KPNA6: variants seen among roughly 807,000 people sequenced by gnomAD.
The protein encoded by KPNA6 is importin subunit alpha-7.
KPNA6 carries 9 observed loss-of-function variants against 72.0 expected under a neutral mutation model. That is an observed-to-expected ratio of 0.13 (90% CI 0.08 to 0.22). The LOEUF is 0.22. Ranked by LOEUF, KPNA6 falls within the 10% of genes least tolerant of loss-of-function variation. The pLI is 1.00. For missense variants in KPNA6, 374 were observed against 655.7 expected, an observed-to-expected ratio of 0.57 and a Z score of 4.69; for synonymous variants, 219 against 242.1, an observed-to-expected ratio of 0.90 and a Z score of 0.89.
intron 12 of KPNA6, among the ~76,000 whole-genome samples, chr1:32,168,805 G>A (rs184277753): frequency 4.6e-5 from 7 of 152,342 alleles, no homozygotes; most frequent in African/African-American, 1.4e-4. Flanking sequence ...GAGCCAGATT[G>A]CAGAGCATCC....
In KPNA6 at chr1:32,122,049, G is replaced by A. The variant is rs534342014; in HGVS notation, c.4+13915G>A. Among the ~76,000 whole-genome samples the A allele has an allele frequency of 2.5e-3, 386 of 151,622 alleles. 1 individual carries two copies. The highest frequency in any genetic ancestry group is 9.0e-3 in the African/African-American group (371 of 41,302). ...AGCAGTTTGGGAGGCCGAGGCAGGC[G>A]GATCACCTGAGGTCAGGAGTTCGAG... On this transcript the variant is annotated intron_variant, in intron 1 of 13. Coordinates refer to ENST00000373625, the MANE Select transcript of KPNA6 (RefSeq NM_012316.5).
intron 1 of KPNA6, among the ~76,000 whole-genome samples, chr1:32,110,297 T>C (rs1641223649): frequency 6.6e-6 from 1 of 152,042 alleles, no homozygotes; most frequent in East Asian, 1.9e-4. Flanking sequence ...ACTCCTGACC[T>C]CTGGTGATCT....
rs868307937 is a variant in KPNA6, at chr1:32,110,255, G to A, written c.4+2121G>A. ...AATTTTTGTATTTTTAGTAGAGACA[G>A]GGTTTCACCATGTTGGCCAAGCTGG... On this transcript the variant is annotated intron_variant, in intron 1 of 13. Coordinates refer to ENST00000373625, the MANE Select transcript of KPNA6 (RefSeq NM_012316.5). Among the ~76,000 whole-genome samples, 25 of 151,894 alleles carry A rather than the reference G, an allele frequency of 1.6e-4. 1 individual carries two copies. The highest frequency in any genetic ancestry group is 1.5e-3 in the South Asian group (7 of 4,810).
intron 1 of KPNA6, among the ~76,000 whole-genome samples, chr1:32,135,541 C>T (rs1641719354): frequency 6.6e-6 from 1 of 150,828 alleles, no homozygotes; most frequent in Non-Finnish European, 1.5e-5. Flanking sequence ...TTATGTTGCC[C>T]AGATTGGTCT....
At chr1:32,160,002 C>T (rs1373339941) in intron 6 of KPNA6, among the ~76,000 whole-genome samples, 1 of 152,176 alleles carries the variant, frequency 6.6e-6, no homozygotes, top group African/African-American at 2.4e-5. Context: ...AAGGCAGCTA[C>T]AAGAGTGCAA....
rs141221916 is a variant in KPNA6 at position 32,173,761 on chromosome 1, A to G, written c.*2867A>G. 1.3e-5 allele frequency: 2 copies of G among 152,340 alleles called. No homozygotes were observed. Among genetic ancestry groups the G allele is most frequent in the African/African-American group, 4.8e-5 (2 of 41,560 alleles). 9.4% of individuals were successfully genotyped at this position (152,340 alleles called of 1,614,324 possible). A position where few individuals can be genotyped will look rare whatever the true frequency, so the allele number is the denominator to read the frequency against. ...CTAGGCGAGGTAAGGCTCTCTGGTTATTGCCAGGATGGAGCCCCTCTACCC... is the reference window on the plus strand; with the variant it reads ...CTAGGCGAGGTAAGGCTCTCTGGTTGTTGCCAGGATGGAGCCCCTCTACCC... On this transcript the variant is annotated 3_prime_UTR_variant, in exon 14 of 14. Coordinates refer to ENST00000373625, the MANE Select transcript of KPNA6 (RefSeq NM_012316.5).
At chr1:32,133,516 CAAAAAAAAAAAA>C (rs56850687) in intron 1 of KPNA6, among the ~76,000 whole-genome samples, 7 of 43,880 alleles carry the variant, frequency 1.6e-4, no homozygotes, top group Admixed American at 6.6e-4. Context: ...CTAGTCTCTA[CAAAAAAAAAAAA>C]AAAAAAAAAA....
At position 32,174,817 on chromosome 1, in the gene KPNA6, G is replaced by A. The variant is rs1156573699; in HGVS notation, c.*3923G>A. 6.6e-6 allele frequency: 1 copy of A among 152,182 alleles called. No homozygotes were observed. The highest frequency in any genetic ancestry group is 2.4e-5 in the African/African-American group (1 of 41,438). The allele number at this position is 152,182 out of a possible 1,614,324, so 9.4% of individuals were successfully genotyped here. A position where few individuals can be genotyped will look rare whatever the true frequency, so the allele number is the denominator to read the frequency against. On this transcript the variant is annotated 3_prime_UTR_variant, in exon 14 of 14. Coordinates refer to ENST00000373625, the MANE Select transcript of KPNA6 (RefSeq NM_012316.5). ...GCAGGGCTCAGTGCGCTAAACCATG[G>A]TAAACATCTTCAATAGAACTACCCT...
chr1:32,143,913 T>A (rs1641885959), intron 1 of KPNA6, among the ~76,000 whole-genome samples: 1 of 152,224 alleles, frequency 6.6e-6, no homozygotes, highest in African/African-American at 2.4e-5. Context: ...TGTTAGACCT[T>A]CATTCCTTTT....
chr1:32,152,830 G>A (rs956454284), intron 1 of KPNA6, among the ~76,000 whole-genome samples: 8 of 151,342 alleles, frequency 5.3e-5, no homozygotes, highest in African/African-American at 1.9e-4. Flanking sequence ...GGGCAACAGA[G>A]GGAGACTCTG....
intron 1 of KPNA6, among the ~76,000 whole-genome samples, chr1:32,125,998 AAAAC>A (rs1415468811): frequency 6.6e-6 from 1 of 151,034 alleles, no homozygotes; most frequent in East Asian, 1.9e-4. Flanking sequence ...AAAAAAAAAA[AAAAC>A]CTGTCCTATT....
chr1:32,128,385 AT>A (rs1293589892), intron 1 of KPNA6, among the ~76,000 whole-genome samples: 2 of 74,686 alleles, frequency 2.7e-5, no homozygotes, highest in Non-Finnish European at 4.8e-5. Flanking sequence ...TTATATATGT[AT>A]TTATATATAT....
Position 32,170,584 on chromosome 1 carries a change from T to G in KPNA6, c.1424-123T>G. On this transcript the variant is annotated intron_variant, in intron 13 of 13. Transcript: ENST00000373625. ...TCTCCCCTTTCAGGTCCAAGAGTGA[T>G]CTGATCATATGACTTGTGTTTGTAA... 5.3e-6 allele frequency: 4 copies of G among 750,716 alleles called. No homozygotes were observed. The Admixed American group carries it at 7.5e-5, about 14-fold the overall frequency. 46.5% of individuals were successfully genotyped at this position (750,716 alleles called of 1,614,324 possible).
chr1:32,126,944 G>T (rs1004716405), intron 1 of KPNA6, among the ~76,000 whole-genome samples: 3 of 152,062 alleles, frequency 2.0e-5, no homozygotes, highest in Non-Finnish European at 4.4e-5. Flanking sequence ...TTCTTTGACC[G>T]TAACTTCCTG....
At position 32,172,914 on chromosome 1, in the gene KPNA6, A is replaced by G; in HGVS notation, c.*2020A>G. ...TTATAGACCTAAAGTTCAGGTACTT[A>G]TTATTGGCCATTGATCTTGAATTTG... On this transcript the variant is annotated 3_prime_UTR_variant, in exon 14 of 14. Coordinates refer to ENST00000373625, the MANE Select transcript of KPNA6 (RefSeq NM_012316.5). 1 of 396,016 alleles carries G rather than the reference A, an allele frequency of 2.5e-6. No homozygotes were observed. Among genetic ancestry groups the G allele is most frequent in the Non-Finnish European group, 4.4e-6 (1 of 225,076 alleles). 24.5% of individuals were successfully genotyped at this position (396,016 alleles called of 1,614,324 possible). A position where few individuals can be genotyped will look rare whatever the true frequency, so the allele number is the denominator to read the frequency against.
chr1:32,125,783 G>A (rs956091577), intron 1 of KPNA6, among the ~76,000 whole-genome samples: 3 of 151,910 alleles, frequency 2.0e-5, no homozygotes, highest in African/African-American at 7.3e-5. Context: ...TTTTAGAAAG[G>A]CATTATGGTG....
At chr1:32,161,206 A>G (rs182131332) in intron 7 of KPNA6, among the ~76,000 whole-genome samples, 1 of 152,162 alleles carries the variant, frequency 6.6e-6, no homozygotes, top group Non-Finnish European at 1.5e-5. Flanking sequence ...TCCTCACTTC[A>G]TGGCACTGCA....
At chr1:32,133,855 C>T (rs1253831625) in intron 1 of KPNA6, among the ~76,000 whole-genome samples, 1 of 151,752 alleles carries the variant, frequency 6.6e-6, no homozygotes, top group Non-Finnish European at 1.5e-5. Flanking sequence ...GCCTGGCAAA[C>T]GTGGTGAAAC....
chr1:32,148,810 G>C (rs952238603), intron 1 of KPNA6, among the ~76,000 whole-genome samples: 1 of 151,968 alleles, frequency 6.6e-6, no homozygotes, highest in Non-Finnish European at 1.5e-5. Context: ...ACCCGCCTCA[G>C]CCTCCCAAAG....
Sources: allele counts gnomAD v4.1 joint callset (sites outside exome capture counted in the v4.1 genomes callset), GRCh38; gene constraint gnomAD v4.1.1; transcripts MANE v1.5; gene names NCBI Gene and HGNC (gene_info 2026-07-23, HGNC 2026-07-21).